Variants in TULP4 observed in about 807,000 individuals in gnomAD.
The protein encoded by TULP4 is tubby-related protein 4.
TULP4 carries 16 observed loss-of-function variants against 129.0 expected under a neutral mutation model. The ratio of observed to expected loss-of-function variants is 0.12; its 90% CI spans 0.08 to 0.19. TULP4 has a LOEUF of 0.19. TULP4 is among the 10% of genes least tolerant of loss of function. The probability of loss-of-function intolerance (pLI) is 1.00; values close to 1 mark genes in which losing one functional copy is unlikely to be tolerated. For synonymous variants in TULP4, 998 were observed against 854.0 expected, an observed-to-expected ratio of 1.17 and a Z score of -2.94; for missense variants, 1,842 against 2,059.1, an observed-to-expected ratio of 0.89 and a Z score of 2.04.
chr6:158,259,728 C>T (rs1778315534), intron 1 of TULP4, among the ~76,000 whole-genome samples: 1 of 152,222 alleles, frequency 6.6e-6, no homozygotes, highest in South Asian at 2.1e-4. Flanking sequence ...CTTCATGCTA[C>T]CTGGACTTCT....
Position 158,503,483 on chromosome 6 carries a change from A to C in TULP4, c.3820A>C (p.Asn1274His). 6.2e-7 allele frequency: 1 copy of C among 1,613,888 alleles called. No homozygotes were observed. Among genetic ancestry groups the C allele is most frequent in the Non-Finnish European group, 8.5e-7 (1 of 1,179,976 alleles). ...CTACAGCGCCTGCCCGCCCATGCAGAACCCCCAGGGCACTCTCCCCCCAAA... is the reference window on the plus strand; with the variant it reads ...CTACAGCGCCTGCCCGCCCATGCAGCACCCCCAGGGCACTCTCCCCCCAAA... ...SSYSACPPMQ[N>H]PQGTLPPKPH... The change falls in exon 13 of 14, where the codon AAC becomes CAC. Residue 1274 changes from asparagine (N) to histidine (H), a missense_variant. This residue lies in a region of TULP4 where 1,089 missense variants were observed against 987.1 expected (regional missense o/e 1.10). Transcript: ENST00000367097. The surrounding 1 kb of genome is among the most constrained non-coding windows in gnomAD (Gnocchi z 4.3).
intron 8 of TULP4, 139 bp downstream of exon 8, chr6:158,481,428 C>T (rs775317650): frequency 2.7e-5 from 20 of 753,164 alleles, no homozygotes; most frequent in East Asian, 5.4e-5. Context: ...CTTGAAGCTA[C>T]GACATTTCCA....
chr6:158,237,684 C>T lies in TULP4; in HGVS notation n.68+5381C>T, dbSNP rs774234088. The T allele has an allele frequency of 3.6e-6, 4 of 1,119,930 alleles. No homozygotes were observed. The East Asian group carries it at 9.4e-5, about 26-fold the overall frequency. The allele number at this position is 1,119,930 out of a possible 1,614,324, so 69.4% of individuals were successfully genotyped here. On this transcript the variant is annotated intron_variant and non_coding_transcript_variant, in intron 1 of 1. Coordinates refer to the TULP4 transcript ENST00000620026. ...TCTTAGGCAATTTTCCCTTCTTTTTCTTTTTCAAATCTCCCTTTCCTTGTT... is the reference window on the plus strand; with the variant it reads ...TCTTAGGCAATTTTCCCTTCTTTTTTTTTTTCAAATCTCCCTTTCCTTGTT...
chr6:158,418,708 C>T (rs1778271377), intron 2 of TULP4, among the ~76,000 whole-genome samples: 1 of 152,212 alleles, frequency 6.6e-6, no homozygotes, highest in South Asian at 2.1e-4. Context: ...TTTGAGGCTG[C>T]AGTGAACTAT....
At chr6:158,240,036 G>C (rs1211468821) in intron 1 of TULP4, among the ~76,000 whole-genome samples, 1 of 102,502 alleles carries the variant, frequency 9.8e-6, no homozygotes, top group African/African-American at 3.5e-5. Context: ...CTGGCCGGGC[G>C]GGGGGCTGAC....
rs1401360589 is a variant in TULP4 at position 158,481,262 on chromosome 6, A to C, written c.1459A>C (p.Met487Leu). The C allele has an allele frequency of 6.2e-7, 1 of 1,614,086 alleles. No individual in the cohort carries two copies. Among genetic ancestry groups the C allele is most frequent in the Non-Finnish European group, 8.5e-7 (1 of 1,179,950 alleles). ...ISKLRPEFVI[M>L]DPRTDSKPDE... ...CAAGCTGCGGCCAGAGTTCGTCATC[A>C]TGGACCCGCGGACAGATAGCAAACC... The change falls in exon 8 of 14, where the codon ATG (methionine) becomes CTG (leucine). Residue 487 changes from methionine to leucine, a missense_variant. This residue lies in a region of TULP4 where 456 missense variants were observed against 534.3 expected (regional missense o/e 0.85). Coordinates refer to ENST00000367097, the MANE Select transcript of TULP4 (RefSeq NM_020245.5).
chr6:158,349,209 C>G (rs1180997680), intron 1 of TULP4, among the ~76,000 whole-genome samples: 1 of 124,810 alleles, frequency 8.0e-6, no homozygotes. Flanking sequence ...ACCTCTCAGA[C>G]GGGGTGGCCG....
At chr6:158,246,417 A>T (rs1311427782) in intron 1 of TULP4, among the ~76,000 whole-genome samples, 1 of 151,774 alleles carries the variant, frequency 6.6e-6, no homozygotes, top group East Asian at 1.9e-4. Context: ...GCGTGAACCC[A>T]GGAGGCGGAG....
rs756533395 is a variant in TULP4, at chr6:158,503,114, T to A, written c.3451T>A (p.Ser1151Thr). 4.3e-6 allele frequency: 7 copies of A among 1,613,930 alleles called. No individual in the cohort carries two copies. In the Admixed American group the frequency reaches 1.2e-4, roughly 27 times the overall value. ...TTCAGGGCCCAACCCCTTAAAACTG[T>A]CCTCTCTGATGCTGAGTCAGGGCCA... ...QTSGPNPLKL[S>T]SLMLSQGQHL... Residue 1151 changes from serine (S) to threonine (T), a missense_variant, in exon 13 of 14, where the codon TCC (serine) becomes ACC (threonine). Physicochemically the swap from Ser to Thr is moderately conservative, Grantham distance 58. Transcript: ENST00000367097. The surrounding 1 kb of genome is among the most constrained non-coding windows in gnomAD (Gnocchi z 4.3).
chr6:158,424,651 G>A (rs566047621), intron 2 of TULP4, among the ~76,000 whole-genome samples: 2 of 152,040 alleles, frequency 1.3e-5, no homozygotes, highest in South Asian at 4.2e-4. Context: ...AATGACAAGG[G>A]GAGAAAAAAG....
intron 3 of TULP4, among the ~76,000 whole-genome samples, chr6:158,433,350 C>T (rs1267516043): frequency 6.6e-6 from 1 of 152,210 alleles, no homozygotes; most frequent in Non-Finnish European, 1.5e-5. Flanking sequence ...ATTCTTTACT[C>T]TGAACCACAC....
At chr6:158,289,740 C>T (rs545413378) in intron 1 of TULP4, among the ~76,000 whole-genome samples, 10 of 151,732 alleles carry the variant, frequency 6.6e-5, no homozygotes, top group Middle Eastern at 6.8e-3. Context: ...GCCACCATGC[C>T]TGGCTGATTT....
At chr6:158,259,144 C>T (rs1483209282) in intron 1 of TULP4, among the ~76,000 whole-genome samples, 3 of 152,202 alleles carry the variant, frequency 2.0e-5, no homozygotes, top group Non-Finnish European at 2.9e-5. Context: ...ACAGGATAAT[C>T]GCTTGAACCC....
At chr6:158,390,509 T>A (rs556457815) in intron 1 of TULP4, among the ~76,000 whole-genome samples, 1 of 152,330 alleles carries the variant, frequency 6.6e-6, no homozygotes, top group African/African-American at 2.4e-5. Flanking sequence ...AAAAACTGGA[T>A]TCCAATTTGT....
At position 158,313,586 on chromosome 6, in the gene TULP4, T is replaced by C. The variant is rs915795367; in HGVS notation, c.-431T>C. The C allele has an allele frequency of 2.4e-6, 1 of 409,562 alleles. No homozygotes were observed. Among genetic ancestry groups the C allele is most frequent in the Non-Finnish European group, 4.3e-6 (1 of 232,610 alleles). 25.4% of individuals were successfully genotyped at this position (409,562 alleles called of 1,614,324 possible). A position where few individuals can be genotyped will look rare whatever the true frequency, so the allele number is the denominator to read the frequency against. On this transcript the variant is annotated 5_prime_UTR_variant, in exon 1 of 14. Coordinates refer to ENST00000367097, the MANE Select transcript of TULP4 (RefSeq NM_020245.5). ...AGCCTTAAGTTACTTGAAATCTATGTATTTGCAACCCTTTGTCTCTGGAAT... is the reference window on the plus strand; with the variant it reads ...AGCCTTAAGTTACTTGAAATCTATGCATTTGCAACCCTTTGTCTCTGGAAT...
intron 1 of TULP4, among the ~76,000 whole-genome samples, chr6:158,407,970 A>G (rs945106548): frequency 6.6e-6 from 1 of 152,238 alleles, no homozygotes; most frequent in Non-Finnish European, 1.5e-5. Flanking sequence ...GGTGAATTAC[A>G]TATGTGAATT....
intron 1 of TULP4, among the ~76,000 whole-genome samples, chr6:158,235,989 C>G (rs1364325565): frequency 6.6e-6 from 1 of 152,174 alleles, no homozygotes; most frequent in African/African-American, 2.4e-5. Context: ...TATCACTTCC[C>G]TTCTATATGG....
chr6:158,392,051 C>G (rs994372910), intron 1 of TULP4, among the ~76,000 whole-genome samples: 3 of 152,068 alleles, frequency 2.0e-5, no homozygotes, highest in African/African-American at 4.8e-5. Context: ...AAGACATACC[C>G]TAGACTGGGC....
chr6:158,401,577 T>C (rs1777850483), intron 1 of TULP4, among the ~76,000 whole-genome samples: 1 of 152,196 alleles, frequency 6.6e-6, no homozygotes, highest in Admixed American at 6.5e-5. Flanking sequence ...GCCTCTTTCA[T>C]CTGGAAGCAC....
Sources: gnomAD v4.1 joint callset for allele counts (sites outside exome capture counted in the v4.1 genomes callset) on GRCh38, gnomAD v4.1.1 for gene constraint, gnomAD v4.1.1 regional missense constraint, Gnocchi (gnomAD v3.1) non-coding constraint, MANE v1.5 for transcripts, NCBI Gene and HGNC (gene_info 2026-07-23, HGNC 2026-07-21) for gene names.